CNTRL: variants seen among roughly 807,000 people sequenced by gnomAD.
CNTRL encodes centriolin, also known as 110 kDa centrosomal protein.
CNTRL carries 233 observed loss-of-function variants against 303.7 expected under a neutral mutation model. The ratio of observed to expected loss-of-function variants is 0.77; its 90% CI spans 0.69 to 0.86. The LOEUF (loss-of-function observed/expected upper bound fraction) is 0.86. Among genes scored for constraint, CNTRL ranks in the 40% least tolerant of loss-of-function variants. The probability of loss-of-function intolerance (pLI) is 0.00; values close to 1 mark genes in which losing one functional copy is unlikely to be tolerated. For missense variants in CNTRL, 2,524 were observed against 2,650.6 expected, an observed-to-expected ratio of 0.95 and a Z score of 1.05; for synonymous variants, 900 against 922.2, an observed-to-expected ratio of 0.98 and a Z score of 0.44.
At chr9:121,130,965 T>A (rs140157852) in intron 14 of CNTRL, among the ~76,000 whole-genome samples, 15 of 152,300 alleles carry the variant, frequency 9.8e-5, no homozygotes, top group African/African-American at 3.6e-4. Flanking sequence ...TAATCCTGAG[T>A]TCTAATTTGA....
intron 7 of CNTRL, among the ~76,000 whole-genome samples, chr9:121,101,889 T>C (rs1480686931): frequency 6.6e-6 from 1 of 152,190 alleles, no homozygotes; most frequent in Non-Finnish European, 1.5e-5. Flanking sequence ...TAACAGGCTC[T>C]GAAATTGATG....
At chr9:121,078,896 G>A (rs1263641592) in intron 1 of CNTRL, among the ~76,000 whole-genome samples, 1 of 152,160 alleles carries the variant, frequency 6.6e-6, no homozygotes, top group African/African-American at 2.4e-5. Context: ...TCCCCTCCAG[G>A]ACCCTCCCTG....
intron 2 of CNTRL, among the ~76,000 whole-genome samples, chr9:121,083,037 G>A (rs976252347): frequency 6.6e-6 from 1 of 151,768 alleles, no homozygotes; most frequent in African/African-American, 2.4e-5. Flanking sequence ...AAGTATACCT[G>A]TATAGAGCAC....
chr9:121,123,886 A>C, intron 12 of CNTRL, 45 bp from the exon 13 acceptor site: 2 of 1,462,946 alleles, frequency 1.4e-6, no homozygotes, highest in Non-Finnish European at 1.8e-6. Flanking sequence ...CTTTTAAAGG[A>C]GTTTAAGGAA....
At chr9:121,162,007 A>G in intron 33 of CNTRL, 36 bp downstream of exon 33, 1 of 1,612,784 alleles carries the variant, frequency 6.2e-7, no homozygotes. Context: ...TAAGAAACTG[A>G]AGTCTTTCTC....
intron 8 of CNTRL, among the ~76,000 whole-genome samples, chr9:121,112,157 T>C (rs958559767): frequency 4.6e-5 from 7 of 152,176 alleles, no homozygotes; most frequent in African/African-American, 1.7e-4. Context: ...ACAAAAATAA[T>C]TGATACAAAA....
intron 7 of CNTRL, among the ~76,000 whole-genome samples, chr9:121,101,419 A>G (rs2049160998): frequency 6.6e-6 from 1 of 152,242 alleles, no homozygotes; most frequent in Non-Finnish European, 1.5e-5. Flanking sequence ...AGGGAAATGT[A>G]TAGCACTAAA....
In CNTRL at chr9:121,154,815, T is replaced by C. The variant is rs757526909; in HGVS notation, c.4267T>C (p.Cys1423Arg). 1.9e-6 allele frequency: 3 copies of C among 1,613,546 alleles called. No individual in the cohort carries two copies. The East Asian group carries it at 6.7e-5, about 36-fold the overall frequency. The change falls in exon 27 of 44, where the codon TGC (cysteine) becomes CGC (arginine). Residue 1423 changes from cysteine (C) to arginine (R), a missense_variant. Coordinates refer to ENST00000373855, the MANE Select transcript of CNTRL (RefSeq NM_007018.6). The part of the protein sequence containing the change: ...HHEDIVDEIE[C>R]IEKTLLKRRS... ...TGAAGATATTGTAGATGAAATTGAG[T>C]GCATTGAGAAGACTCTTCTGAAACG...
chr9:121,141,976 T>TA, intron 18 of CNTRL, 115 bp from the exon 19 acceptor site: 1 of 810,008 alleles, frequency 1.2e-6, no homozygotes. Context: ...AACTCATTAG[T>TA]AAAAAATTAA....
chr9:121,101,506 C>T (rs1158422264), intron 7 of CNTRL, among the ~76,000 whole-genome samples: 1 of 152,036 alleles, frequency 6.6e-6, no homozygotes, highest in African/African-American at 2.4e-5. Context: ...GAAGCAAGAG[C>T]AAACACATTC....
intron 30 of CNTRL, 63 bp downstream of exon 30, chr9:121,158,172 C>A (rs2052675832): frequency 6.4e-7 from 1 of 1,555,270 alleles, no homozygotes; most frequent in Non-Finnish European, 8.7e-7. Context: ...AAAAGTAATA[C>A]ATGTTTAATT....
In CNTRL at chr9:121,088,344, A is replaced by T; in HGVS notation, c.18A>T (p.Gln6His). 1 of 1,612,774 alleles carries T rather than the reference A, an allele frequency of 6.2e-7. No homozygotes were observed. The highest frequency in any genetic ancestry group is 8.5e-7 in the Non-Finnish European group (1 of 1,178,870). The part of the protein sequence containing the change: MKKGS[Q>H]QKIFSKAKIP... ...TTCTTGCAATGAAGAAAGGTTCTCA[A>T]CAAAAAATATTCTCCAAAGCAAAGA... Residue 6 changes from glutamine to histidine, a missense_variant, in exon 3 of 44, where the codon CAA becomes CAT. By Grantham distance (24) the Gln-to-His change is conservative. Coordinates refer to ENST00000373855, the MANE Select transcript of CNTRL (RefSeq NM_007018.6).
At chr9:121,149,486 C>CCGCCTCCTG (rs2052087879) in intron 24 of CNTRL, among the ~76,000 whole-genome samples, 1 of 151,966 alleles carries the variant, frequency 6.6e-6, no homozygotes, top group Admixed American at 6.6e-5. Flanking sequence ...ACTGCAACCT[C>CCGCCTCCTG]CGCCTCCTGG....
At chr9:121,157,713 T>TG (rs1248667311) in intron 28 of CNTRL, 27 bp from the exon 29 acceptor site, 4 of 1,612,136 alleles carry the variant, frequency 2.5e-6, no homozygotes, top group South Asian at 2.2e-5. Flanking sequence ...CTACAGGACC[T>TG]GGGGGGAATA....
Position 121,173,450 on chromosome 9 carries a change from T to C in CNTRL, c.6625T>C (p.Phe2209Leu), listed in dbSNP as rs760126182. The C allele has an allele frequency of 1.2e-6, 2 of 1,613,956 alleles. No homozygotes were observed. The highest frequency in any genetic ancestry group is 1.7e-6 in the Non-Finnish European group (2 of 1,179,996). ...ELESLKENLPFTMNEGPFEEK... is the reference protein window; with the variant it reads ...ELESLKENLPLTMNEGPFEEK... ...GGAAAGCTTGAAAGAGAACCTTCCA[T>C]TTACCATGAATGAGGGACCTTTTGA... The change falls in exon 41 of 44, where the codon TTT (phenylalanine) becomes CTT (leucine). Residue 2209 changes from phenylalanine to leucine, a missense_variant. Phe to Leu is a conservative substitution (Grantham distance 22). Transcript: ENST00000373855.
At chr9:121,160,544 A>G (rs1486868770) in intron 32 of CNTRL, among the ~76,000 whole-genome samples, 1 of 152,250 alleles carries the variant, frequency 6.6e-6, no homozygotes, top group East Asian at 1.9e-4. Context: ...GAGCACTCAC[A>G]GTCTATCAAT....
At chr9:121,077,233 CT>C (rs113483737) in intron 1 of CNTRL, among the ~76,000 whole-genome samples, 1 of 151,148 alleles carries the variant, frequency 6.6e-6, no homozygotes, top group Non-Finnish European at 1.5e-5. Context: ...ACTTTATTTG[CT>C]TTTTTTTTCT....
At position 121,167,583 on chromosome 9, in the gene CNTRL, A is replaced by G. The variant is rs762991155; in HGVS notation, c.5750A>G (p.Asp1917Gly). The change falls in exon 37 of 44, where the codon GAC becomes GGC. Residue 1917 changes from aspartate (D) to glycine (G), a missense_variant. Transcript: ENST00000373855. The stretch of plus-strand genomic sequence containing the variant: ...AGTGAATGGGCAAATAGGTTTGAAG[A>G]CTGTCAGAAAGAAGAGGAGACAAAA... ...DISEWANRFE[D>G]CQKEEETKQQ... 42 of 1,614,102 alleles carry G rather than the reference A, an allele frequency of 2.6e-5. No individual in the cohort carries two copies. Among genetic ancestry groups the G allele is most frequent in the Non-Finnish European group, 3.2e-5 (38 of 1,180,042 alleles).
In CNTRL at chr9:121,140,724, A is replaced by G. The variant is rs761942924; in HGVS notation, c.2421A>G (p.Glu807=). 1.9e-6 allele frequency: 3 copies of G among 1,613,726 alleles called. 1 individual carries two copies. In the South Asian group the frequency reaches 3.3e-5, roughly 18 times the overall value. The change falls in exon 17 of 44, where the codon GAA becomes GAG. Residue 807 remains glutamate, a synonymous_variant. Coordinates refer to ENST00000373855, the MANE Select transcript of CNTRL (RefSeq NM_007018.6). ...NHVVDGLVRP[E]EVAARVDELR... is the part of the protein sequence containing the mutation. ...TGGTTGATGGTTTGGTTCGTCCAGA[A>G]GAAGTGGCAGCTCGTGTGGATGAGC... is the stretch of plus-strand genomic sequence containing the variant.
Sources: gnomAD v4.1 joint callset for allele counts (sites outside exome capture counted in the v4.1 genomes callset) on GRCh38, gnomAD v4.1.1 for gene constraint, MANE v1.5 for transcripts, NCBI Gene and HGNC (gene_info 2026-07-23, HGNC 2026-07-21) for gene names.